Variants in PARD3 observed in about 807,000 individuals in gnomAD.
PARD3 encodes partitioning defective 3 homolog.
PARD3 carries 75 observed loss-of-function variants against 155.4 expected under a neutral mutation model. That is an observed-to-expected ratio of 0.48 (90% CI 0.40 to 0.58). PARD3 has a LOEUF of 0.58. Among genes scored for constraint, PARD3 ranks in the 20% least tolerant of loss-of-function variants. PARD3 has a pLI of 0.00. For synonymous variants in PARD3, 576 were observed against 610.5 expected, an observed-to-expected ratio of 0.94 and a Z score of 0.83; for missense variants, 1,642 against 1,721.7, an observed-to-expected ratio of 0.95 and a Z score of 0.82.
intron 3 of PARD3, among the ~76,000 whole-genome samples, chr10:34,481,293 G>C (rs961294650): frequency 1.6e-4 from 25 of 151,846 alleles, no homozygotes; most frequent in African/African-American, 6.1e-4. Context: ...TGTGTTCAGG[G>C]ACTCCTTTCC....
At chr10:34,691,739 T>C (rs1272039482) in intron 2 of PARD3, among the ~76,000 whole-genome samples, 1 of 152,106 alleles carries the variant, frequency 6.6e-6, no homozygotes, top group Non-Finnish European at 1.5e-5. Flanking sequence ...GGTACAAAAA[T>C]GGACACACAG....
intron 22 of PARD3, among the ~76,000 whole-genome samples, chr10:34,254,909 T>C (rs575358723): frequency 2.0e-5 from 3 of 152,238 alleles, no homozygotes; most frequent in African/African-American, 7.2e-5. Flanking sequence ...TCTGGGCTTG[T>C]GCAAAGACTT....
At chr10:34,651,593 A>C (rs1266088897) in intron 2 of PARD3, among the ~76,000 whole-genome samples, 1 of 152,180 alleles carries the variant, frequency 6.6e-6, no homozygotes, top group Non-Finnish European at 1.5e-5. Context: ...CAAAAACCAT[A>C]AGCACTGCTG....
intron 2 of PARD3, among the ~76,000 whole-genome samples, chr10:34,593,398 T>C (rs936902619): frequency 3.3e-5 from 5 of 152,178 alleles, no homozygotes; most frequent in African/African-American, 1.2e-4. Flanking sequence ...ATGTATAAGT[T>C]CCATGACAGA....
chr10:34,362,043 C>T (rs971140597), intron 12 of PARD3, among the ~76,000 whole-genome samples: 9 of 152,016 alleles, frequency 5.9e-5, no homozygotes, highest in Non-Finnish European at 8.8e-5. Context: ...TTTGGGAGGC[C>T]GACGCAGGTG....
At chr10:34,463,895 A>T (rs1019833628) in intron 4 of PARD3, among the ~76,000 whole-genome samples, 1 of 152,326 alleles carries the variant, frequency 6.6e-6, no homozygotes, top group Non-Finnish European at 1.5e-5. Flanking sequence ...ATAGGTTTCC[A>T]GCCTAGAAGA....
chr10:34,185,458 T>C (rs2799458), intron 22 of PARD3, among the ~76,000 whole-genome samples: 35,730 of 152,170 alleles, frequency 0.23, 4,353 homozygotes, highest in Middle Eastern at 0.36. Context: ...TCTTCATGTA[T>C]ATTAAAAACA....
intron 5 of PARD3, among the ~76,000 whole-genome samples, chr10:34,445,593 G>C (rs1165539319): frequency 6.6e-6 from 1 of 152,108 alleles, no homozygotes; most frequent in Non-Finnish European, 1.5e-5. Context: ...GGTGTGTGTG[G>C]CTTCTCAATG....
intron 24 of PARD3, among the ~76,000 whole-genome samples, chr10:34,112,138 G>A (rs1946415616): frequency 6.6e-6 from 1 of 152,204 alleles, no homozygotes; most frequent in South Asian, 2.1e-4. Flanking sequence ...TTAAAGCTCT[G>A]GCTTTCAAGT....
intron 22 of PARD3, among the ~76,000 whole-genome samples, chr10:34,145,759 C>T (rs1169284433): frequency 6.6e-6 from 1 of 152,128 alleles, no homozygotes; most frequent in Non-Finnish European, 1.5e-5. Flanking sequence ...AGAAAACAAA[C>T]AAACGTTGTT....
intron 1 of PARD3, among the ~76,000 whole-genome samples, chr10:34,741,685 A>G (rs551748776): frequency 6.6e-6 from 1 of 152,296 alleles, no homozygotes; most frequent in Admixed American, 6.5e-5. Context: ...GGTCGGTGCC[A>G]CTGTGATACC....
intron 2 of PARD3, among the ~76,000 whole-genome samples, chr10:34,679,838 C>G (rs2093778690): frequency 1.3e-5 from 2 of 152,060 alleles, no homozygotes; most frequent in South Asian, 4.1e-4. Context: ...GTGAAATCAC[C>G]AAATCAGACA....
At chr10:34,538,922 T>TG (rs1418161806) in intron 2 of PARD3, among the ~76,000 whole-genome samples, 1 of 152,242 alleles carries the variant, frequency 6.6e-6, no homozygotes, top group Non-Finnish European at 1.5e-5. Context: ...AGATTCATGA[T>TG]GCCTTGTCCA....
At chr10:34,308,038 A>AG (rs1957500766) in intron 20 of PARD3, among the ~76,000 whole-genome samples, 1 of 152,150 alleles carries the variant, frequency 6.6e-6, no homozygotes, top group Non-Finnish European at 1.5e-5. Context: ...GAGTGAACCT[A>AG]GGAATACCTG....
At chr10:34,659,771 T>C (rs1193864511) in intron 2 of PARD3, among the ~76,000 whole-genome samples, 1 of 152,198 alleles carries the variant, frequency 6.6e-6, no homozygotes, top group Non-Finnish European at 1.5e-5. Flanking sequence ...AGTAAAGCCT[T>C]ACTTCTCTTC....
intron 1 of PARD3, among the ~76,000 whole-genome samples, chr10:34,730,066 A>T (rs577173616): frequency 1.3e-5 from 2 of 151,112 alleles, no homozygotes; most frequent in Admixed American, 1.3e-4. Flanking sequence ...AAAATGCTCA[A>T]TAAAATAAAA....
chr10:34,337,560 C>T (rs971759444), intron 16 of PARD3, 134 bp from the exon 17 acceptor site: 13 of 411,704 alleles, frequency 3.2e-5, no homozygotes, highest in African/African-American at 8.3e-5. Flanking sequence ...CTAAATAATA[C>T]AAATACAGTC....
chr10:34,763,744 G>A (rs531964356), intron 1 of PARD3, among the ~76,000 whole-genome samples: 6 of 152,094 alleles, frequency 3.9e-5, no homozygotes, highest in Non-Finnish European at 8.8e-5. Context: ...CGGCATGTGG[G>A]TACTGGAACC....
chr10:34,639,685 C>G (rs1426151356), intron 2 of PARD3, among the ~76,000 whole-genome samples: 16 of 152,124 alleles, frequency 1.1e-4, no homozygotes, highest in Admixed American at 9.8e-4. Context: ...GAGCAATACC[C>G]CATTTCTACA....
Sources: allele counts gnomAD v4.1 joint callset (sites outside exome capture counted in the v4.1 genomes callset), GRCh38; gene constraint gnomAD v4.1.1; transcripts MANE v1.5; gene names NCBI Gene and HGNC (gene_info 2026-07-23, HGNC 2026-07-21).